The following CDCA7L variants were observed in gnomAD, a reference collection of about 807,000 sequenced individuals.
CDCA7L encodes the protein cell division cycle-associated 7-like protein.
CDCA7L carries 44 observed loss-of-function variants against 57.4 expected under a neutral mutation model. The observed-to-expected ratio is 0.77, with a 90% CI of 0.60 to 0.98. The LOEUF is 0.98. Ranked by LOEUF, CDCA7L falls within the 50% of genes least tolerant of loss-of-function variation. CDCA7L has a pLI of 0.00. For missense variants in CDCA7L, 644 were observed against 580.6 expected, an observed-to-expected ratio of 1.11 and a Z score of -1.12; for synonymous variants, 236 against 202.8, an observed-to-expected ratio of 1.16 and a Z score of -1.39.
chr7:21,940,162 T>A (rs1423171475), intron 1 of CDCA7L: 1 of 168,004 alleles, frequency 6.0e-6, no homozygotes. Flanking sequence ...ATAATTCACT[T>A]AGAAGTGACA....
At chr7:21,905,186 T>TA (rs1336001515) in intron 7 of CDCA7L, among the ~76,000 whole-genome samples, 2 of 152,102 alleles carry the variant, frequency 1.3e-5, no homozygotes, top group African/African-American at 2.4e-5. Flanking sequence ...ACCCCCCAAA[T>TA]ATACTTTTTT....
At chr7:21,923,793 G>C (rs1324738692) in intron 1 of CDCA7L, among the ~76,000 whole-genome samples, 1 of 152,180 alleles carries the variant, frequency 6.6e-6, no homozygotes, top group African/African-American at 2.4e-5. Flanking sequence ...ACCACACTTG[G>C]CTGAAATCCA....
rs140524615 is a variant in CDCA7L, at chr7:21,945,422, G to T, written c.24+359C>A. 5.3e-5 allele frequency among the ~76,000 whole-genome samples: 8 copies of T among 151,860 alleles called. No homozygotes were observed. In the East Asian group the frequency reaches 1.5e-3, roughly 29 times the overall value. ...ATCTCTGTGCCAATTCCCGGAGAAA[G>T]TGTGGGGAGTGCACAAAAAAAGCCC... On this transcript the variant is annotated intron_variant, in intron 1 of 9. Transcript: ENST00000406877.
rs78771915 is a variant in CDCA7L at position 21,936,245 on chromosome 7, A to G, written c.24+9536T>C. ...AGATGGCTTCATGGGTAATTCTACCAAACATTTAAAGAAGAACAAACACCA... is the reference window on the plus strand; with the variant it reads ...AGATGGCTTCATGGGTAATTCTACCGAACATTTAAAGAAGAACAAACACCA... On this transcript the variant is annotated intron_variant, in intron 1 of 9. Transcript: ENST00000406877. Among the ~76,000 whole-genome samples the G allele has an allele frequency of 7.5e-3, 1,144 of 152,344 alleles. 17 individuals carry two copies. The highest frequency in any genetic ancestry group is 0.025 in the African/African-American group (1,040 of 41,568).
intron 1 of CDCA7L, among the ~76,000 whole-genome samples, chr7:21,919,327 G>T (rs1439577402): frequency 6.6e-6 from 1 of 152,044 alleles, no homozygotes; most frequent in Non-Finnish European, 1.5e-5. Flanking sequence ...TGGCCATTGG[G>T]AGCTTCTTGG....
At chr7:21,905,445 T>G in intron 7 of CDCA7L, 61 bp downstream of exon 7, 253 of 1,558,728 alleles carry the variant, frequency 1.6e-4, no homozygotes, top group Non-Finnish European at 2.0e-4. Flanking sequence ...TAAAAACAAG[T>G]GAGATTTCAA....
In CDCA7L at chr7:21,906,339, C is replaced by T. The variant is rs375745418; in HGVS notation, c.871G>A (p.Ala291Thr). The T allele has an allele frequency of 6.8e-6, 11 of 1,610,414 alleles. No individual in the cohort carries two copies. Among genetic ancestry groups the T allele is most frequent in the East Asian group, 4.5e-5 (2 of 44,832 alleles). ...FALENFTVSA[A>T]KFAEEFYSFR... is the part of the protein sequence containing the mutation. The stretch of plus-strand genomic sequence containing the variant: ...CTGTAAAACTCTTCCGCAAATTTAG[C>T]GGCTGAGACAGTGAAGTTCTCTAGA... Residue 291 changes from alanine (A) to threonine (T), a missense_variant, in exon 6 of 10, where the codon GCT (alanine) becomes ACT (threonine). Ala to Thr is a moderately conservative substitution (Grantham distance 58). Coordinates refer to ENST00000406877, the MANE Select transcript of CDCA7L (RefSeq NM_018719.5).
In CDCA7L at chr7:21,945,819, C is replaced by T; in HGVS notation, c.-15G>A. ...GCCAACTCCATTCTTCCTAACCGGG[C>T]TCCAGTCTCCTCCCAGCACGCGGCC... On this transcript the variant is annotated 5_prime_UTR_variant, in exon 1 of 10. Transcript: ENST00000406877. 7.5e-6 allele frequency: 12 copies of T among 1,597,728 alleles called. No homozygotes were observed. Among genetic ancestry groups the T allele is most frequent in the Non-Finnish European group, 1.0e-5 (12 of 1,173,604 alleles).
At chr7:21,910,931 T>C (rs1472589199) in intron 3 of CDCA7L, among the ~76,000 whole-genome samples, 1 of 146,948 alleles carries the variant, frequency 6.8e-6, no homozygotes, top group Non-Finnish European at 1.5e-5. Flanking sequence ...TCACACACAG[T>C]AAGAAAGTAT....
At chr7:21,938,955 G>C (rs1786258242) in intron 1 of CDCA7L, among the ~76,000 whole-genome samples, 1 of 152,280 alleles carries the variant, frequency 6.6e-6, no homozygotes, top group South Asian at 2.1e-4. Context: ...GGCGCAGTGA[G>C]CCACGATAGC....
chr7:21,917,692 T>G lies in CDCA7L; in HGVS notation c.25-798A>C, dbSNP rs1245248602. The stretch of plus-strand genomic sequence containing the variant: ...AAATATTAGGTTGAACCATGGGCAT[T>G]TGCTGATATTTGGCTGTTTTTAACT... On this transcript the variant is annotated intron_variant, in intron 1 of 9. Coordinates refer to ENST00000406877, the MANE Select transcript of CDCA7L (RefSeq NM_018719.5). Among the ~76,000 whole-genome samples the G allele has an allele frequency of 3.9e-5, 6 of 152,372 alleles. No homozygotes were observed. In the East Asian group the frequency reaches 5.8e-4, roughly 15 times the overall value.
chr7:21,902,175 A>G lies in CDCA7L; in HGVS notation c.*147T>C, dbSNP rs1784916713. On this transcript the variant is annotated 3_prime_UTR_variant, in exon 10 of 10. Coordinates refer to ENST00000406877, the MANE Select transcript of CDCA7L (RefSeq NM_018719.5). ...TCCTGAGAAATCTTTGTAAGCATAT[A>G]AACAATCTTTAACAAAAAATAGTAA... 3.8e-6 allele frequency: 3 copies of G among 791,208 alleles called. No homozygotes were observed. Among genetic ancestry groups the G allele is most frequent in the South Asian group, 1.6e-5 (1 of 63,420 alleles). The allele number at this position is 791,208 out of a possible 1,614,324, so 49.0% of individuals were successfully genotyped here. A position where few individuals can be genotyped will look rare whatever the true frequency, so the allele number is the denominator to read the frequency against.
At position 21,906,431 on chromosome 7, in the gene CDCA7L, A is replaced by G; in HGVS notation, c.779T>C (p.Phe260Ser). ...ASRKKTVRRA[F>S]SEGQITRRMN... ...ACGCCGCGTGATCTGTCCCTCCGAGAAGGCCCGCCTCACTGTCTTCTTCCT... is the reference window on the plus strand; with the variant it reads ...ACGCCGCGTGATCTGTCCCTCCGAGGAGGCCCGCCTCACTGTCTTCTTCCT... Residue 260 changes from phenylalanine to serine, a missense_variant, in exon 6 of 10, where the codon TTC (phenylalanine) becomes TCC (serine). Transcript: ENST00000406877. The G allele has an allele frequency of 6.2e-7, 1 of 1,610,592 alleles. No homozygotes were observed. The highest frequency in any genetic ancestry group is 1.3e-5 in the African/African-American group (1 of 74,770).
In CDCA7L at chr7:21,901,754, GGCCTCCA is replaced by G. The variant is rs1225423837; in HGVS notation, c.*561_*567del. The G allele has an allele frequency of 1.6e-5, 1 of 63,590 alleles. No individual in the cohort carries two copies. The highest frequency in any genetic ancestry group is 3.1e-5 in the African/African-American group (1 of 32,502). 3.9% of individuals were successfully genotyped at this position (63,590 alleles called of 1,614,324 possible). On this transcript the variant is annotated 3_prime_UTR_variant, in exon 10 of 10. Transcript: ENST00000406877. ...GAAGGAAGAGGCTAGCACTCTGTAA[GGCCTCCA>G]GTGTCCAGTGTCTACAATGTTGATG... is the stretch of plus-strand genomic sequence containing the variant.
intron 1 of CDCA7L, among the ~76,000 whole-genome samples, chr7:21,924,343 T>C (rs952679647): frequency 5.9e-5 from 9 of 152,274 alleles, no homozygotes; most frequent in African/African-American, 2.2e-4. Context: ...AGACAAAAGA[T>C]ATTTATGCAC....
chr7:21,916,773 G>A lies in CDCA7L; in HGVS notation c.146C>T (p.Ser49Leu). Residue 49 changes from serine (S) to leucine (L), a missense_variant, in exon 2 of 10, where the codon TCA (serine) becomes TTA (leucine). Transcript: ENST00000406877. ...SSEESCDSFD[S>L]LESGKQQDVR... is the part of the protein sequence containing the mutation. Reference sequence around the variant, plus strand: ...CCATACCTGTTTCCCTGACTCTAGTGAGTCAAAACTATCGCAGCTCTCCTC... The same window carrying A: ...CCATACCTGTTTCCCTGACTCTAGTAAGTCAAAACTATCGCAGCTCTCCTC... The A allele has an allele frequency of 1.9e-6, 3 of 1,614,006 alleles. No individual in the cohort carries two copies. Among genetic ancestry groups the A allele is most frequent in the Non-Finnish European group, 8.5e-7 (1 of 1,179,932 alleles).
rs111315368 is a variant in CDCA7L at position 21,928,638 on chromosome 7, C to T, written c.25-11744G>A. On this transcript the variant is annotated intron_variant, in intron 1 of 9. Coordinates refer to ENST00000406877, the MANE Select transcript of CDCA7L (RefSeq NM_018719.5). Reference sequence around the variant, plus strand: ...CCTGATGGAGCTGAAAAACACAGCACGAAAACTTCATGAAGCATACACAAG... The same window carrying T: ...CCTGATGGAGCTGAAAAACACAGCATGAAAACTTCATGAAGCATACACAAG... 7.3e-5 allele frequency among the ~76,000 whole-genome samples: 11 copies of T among 151,642 alleles called. No homozygotes were observed. The South Asian group carries it at 1.5e-3, about 20-fold the overall frequency.
chr7:21,929,383 A>C (rs1785929394), intron 1 of CDCA7L, among the ~76,000 whole-genome samples: 1 of 152,122 alleles, frequency 6.6e-6, no homozygotes, highest in Non-Finnish European at 1.5e-5. Context: ...GACACTATGA[A>C]GAAACTGCAT....
intron 9 of CDCA7L, chr7:21,902,655 C>CTGCCTCTTCATAATCTGTG (rs1784962197): frequency 6.0e-6 from 3 of 503,952 alleles, no homozygotes; most frequent in Non-Finnish European, 7.1e-6. Context: ...AGGATTATGG[C>CTGCCTCTTCATAATCTGTG]TGCCTCTTCA....
Sources: gnomAD v4.1 joint callset for allele counts (sites outside exome capture counted in the v4.1 genomes callset) on GRCh38, gnomAD v4.1.1 for gene constraint, MANE v1.5 for transcripts, NCBI Gene and HGNC (gene_info 2026-07-23, HGNC 2026-07-21) for gene names.